The following SYNE1 variants were observed in gnomAD, a reference collection of about 807,000 sequenced individuals.
SYNE1 encodes nesprin-1.
A neutral mutation model predicts 1,111.0 loss-of-function variants in SYNE1; 616 were observed. The ratio of observed to expected loss-of-function variants is 0.55; its 90% confidence interval spans 0.52 to 0.59. The LOEUF (loss-of-function observed/expected upper bound fraction) is 0.59. SYNE1 is among the 20% of genes least tolerant of loss of function. SYNE1 has a pLI of 0.00. For missense variants in SYNE1, 10,006 were observed against 10,417.0 expected, an observed-to-expected ratio of 0.96 and a Z score of 1.72; for synonymous variants, 3,855 against 3,825.8, an observed-to-expected ratio of 1.01 and a Z score of -0.28.
chr6:152,462,138 A>C lies in SYNE1; in HGVS notation c.2251-398T>G, dbSNP rs556267353. On this transcript the variant is annotated intron_variant, in intron 20 of 145. Coordinates refer to ENST00000367255, the MANE Select transcript of SYNE1 (RefSeq NM_182961.4). ...CTCATTGCCATTATAAAAACTTATA[A>C]ATTAGAAATATTAGGATAATGACAA... Among the ~76,000 whole-genome samples the C allele has an allele frequency of 9.9e-4, 151 of 152,124 alleles. 2 individuals carry two copies. The highest frequency in any genetic ancestry group is 6.8e-3 in the Middle Eastern group (2 of 294).
At chr6:152,279,154 T>TC (rs1179254067) in intron 97 of SYNE1, among the ~76,000 whole-genome samples, 1 of 146,946 alleles carries the variant, frequency 6.8e-6, no homozygotes, top group Non-Finnish European at 1.5e-5. Context: ...TTTCTTTTTT[T>TC]TTTTTTTTTT....
chr6:152,427,946 G>T, intron 37 of SYNE1, 130 bp from the exon 38 acceptor site: 3 of 1,346,372 alleles, frequency 2.2e-6, no homozygotes, highest in Non-Finnish European at 3.1e-6. Context: ...TCTTAGATAT[G>T]CCAGCACAAA....
At chr6:152,219,493 G>GAAA (rs34187904) in intron 119 of SYNE1, among the ~76,000 whole-genome samples, 8 of 132,982 alleles carry the variant, frequency 6.0e-5, no homozygotes, top group East Asian at 2.1e-4. Context: ...ACATAAACAA[G>GAAA]AAAAAAAAAA....
chr6:152,286,507 T>C (rs2094336700), intron 95 of SYNE1, among the ~76,000 whole-genome samples: 1 of 152,220 alleles, frequency 6.6e-6, no homozygotes, highest in Non-Finnish European at 1.5e-5. Context: ...TGGTTGTGAA[T>C]TGTTTTCACT....
rs1473555999 is a variant in SYNE1, at chr6:152,462,731, C to A, written c.2250+7G>T. The A allele has an allele frequency of 6.2e-7, 1 of 1,613,778 alleles. No individual in the cohort carries two copies. Among genetic ancestry groups the A allele is most frequent in the Non-Finnish European group, 8.5e-7 (1 of 1,179,918 alleles). On this transcript the variant is annotated splice_region_variant and intron_variant, in intron 20 of 145. Coordinates refer to ENST00000367255, the MANE Select transcript of SYNE1 (RefSeq NM_182961.4). ...AGGCTTTTCATTTTGATTCAGAAAC[C>A]CCTCACCTCCAAGTCTTGAATTAAT...
chr6:152,407,353 C>G (rs1401781908), intron 44 of SYNE1, among the ~76,000 whole-genome samples, 157 bp from the exon 45 acceptor site: 2 of 152,158 alleles, frequency 1.3e-5, no homozygotes, highest in African/African-American at 4.8e-5. Context: ...ACCCAACTCA[C>G]GTAAATGCTA....
In SYNE1 at chr6:152,407,201, GA is replaced by G; in HGVS notation, c.6541-6del. 3.7e-6 allele frequency: 6 copies of G among 1,613,450 alleles called. No individual in the cohort carries two copies. The highest frequency in any genetic ancestry group is 5.1e-6 in the Non-Finnish European group (6 of 1,179,734). ...TTCTTCAAGTTTCTCTGATACCTAG[GA>G]GAGAAACAGAAGCCATGGCATTCAT... is the stretch of plus-strand genomic sequence containing the variant. On this transcript the variant is annotated splice_polypyrimidine_tract_variant and splice_region_variant and intron_variant, in intron 44 of 145. Transcript: ENST00000367255.
At chr6:152,545,719 A>G (rs1485666370) in intron 3 of SYNE1, among the ~76,000 whole-genome samples, 1 of 152,230 alleles carries the variant, frequency 6.6e-6, no homozygotes, top group Admixed American at 6.5e-5. Flanking sequence ...AGGAGCTTGC[A>G]ATAGGTTATG....
intron 74 of SYNE1, among the ~76,000 whole-genome samples, chr6:152,341,477 A>T (rs7740546): frequency 0.15 from 22,284 of 152,166 alleles, 2,438 homozygotes; most frequent in African/African-American, 0.3. Flanking sequence ...CATTCCCTAA[A>T]GTTCACATTT....
rs1292244700 is a variant in SYNE1, at chr6:152,442,169, C to A, written c.3914G>T (p.Gly1305Val). The A allele has an allele frequency of 1.9e-6, 3 of 1,613,810 alleles. No homozygotes were observed. The highest frequency in any genetic ancestry group is 1.7e-5 in the Admixed American group (1 of 60,020). ...QIAQAQQGEG[G>V]LPDRGHEELR... Reference sequence around the variant, plus strand: ...CTCCTCGTGGCCTCGGTCAGGCAGCCCCCCTTCTCCCTGCTGCGCCTGCGC... The same window carrying A: ...CTCCTCGTGGCCTCGGTCAGGCAGCACCCCTTCTCCCTGCTGCGCCTGCGC... Residue 1305 changes from glycine (G) to valine (V), a missense_variant, in exon 31 of 146, where the codon GGG becomes GTG. Transcript: ENST00000367255.
chr6:152,521,604 C>G (rs2099140197), intron 5 of SYNE1, among the ~76,000 whole-genome samples: 1 of 152,002 alleles, frequency 6.6e-6, no homozygotes, highest in African/African-American at 2.4e-5. Flanking sequence ...TTTACATTTC[C>G]CTGATCAGCA....
Position 152,214,222 on chromosome 6 carries a change from G to A in SYNE1, c.22347-463C>T, listed in dbSNP as rs1405729899. On this transcript the variant is annotated intron_variant, in intron 122 of 145. Coordinates refer to ENST00000367255, the MANE Select transcript of SYNE1 (RefSeq NM_182961.4). ...AAAAAAAAAAAAAAGAAGAAAGAAA[G>A]TTGAAAAAATGTAGAAGTTTAAAAT... 6.0e-5 allele frequency among the ~76,000 whole-genome samples: 9 copies of A among 149,738 alleles called. No homozygotes were observed. In the South Asian group the frequency reaches 1.7e-3, roughly 28 times the overall value.
chr6:152,435,804 T>A, intron 33 of SYNE1, 137 bp downstream of exon 33: 1 of 1,070,850 alleles, frequency 9.3e-7, no homozygotes. Flanking sequence ...TTTTGAACTG[T>A]GAGTTGTTTC....
At chr6:152,504,277 C>G (rs117853647) in intron 9 of SYNE1, among the ~76,000 whole-genome samples, 1 of 152,098 alleles carries the variant, frequency 6.6e-6, no homozygotes, top group Non-Finnish European at 1.5e-5. Flanking sequence ...AAAACAGAAT[C>G]CTAAAATGGC....
Position 152,330,660 on chromosome 6 carries a change from T to A in SYNE1, c.14025A>T (p.Glu4675Asp), listed in dbSNP as rs997425319. The change falls in exon 78 of 146, where the codon GAA (glutamate) becomes GAT (aspartate). Residue 4675 changes from glutamate (E) to aspartate (D), a missense_variant. Glu to Asp is a conservative substitution (Grantham distance 45). Around this residue, in one of 7 missense-constraint regions of SYNE1, gnomAD observed 4,955 missense variants for 5,017.2 expected, o/e 0.99. Coordinates refer to ENST00000367255, the MANE Select transcript of SYNE1 (RefSeq NM_182961.4). ...TTGTCAACTCAATCAAGGAAGCATA[T>A]TCCTTCCGAGCAAGAATTGCTTCCT... ...KVQEAILARK[E>D]YASLIELTTQ... The A allele has an allele frequency of 6.2e-7, 1 of 1,613,778 alleles. No individual in the cohort carries two copies. The highest frequency in any genetic ancestry group is 8.5e-7 in the Non-Finnish European group (1 of 1,180,022).
At chr6:152,139,813 G>C (rs140649594) in intron 140 of SYNE1, 137 bp downstream of exon 140, 28 of 839,176 alleles carry the variant, frequency 3.3e-5, no homozygotes, top group African/African-American at 5.0e-5. Context: ...GAGGTGAGGA[G>C]AGCATTCTCA....
intron 3 of SYNE1, among the ~76,000 whole-genome samples, chr6:152,596,089 A>G (rs1460709114): frequency 8.2e-6 from 1 of 121,692 alleles, no homozygotes; most frequent in Non-Finnish European, 1.7e-5. Flanking sequence ...CCTGGCAAAA[A>G]GGGCAATCTA....
At chr6:152,192,437 T>A (rs1265808590) in intron 127 of SYNE1, among the ~76,000 whole-genome samples, 2 of 151,826 alleles carry the variant, frequency 1.3e-5, no homozygotes, top group South Asian at 2.1e-4. Context: ...TGAGCATACA[T>A]AAGTGACAGA....
In SYNE1 at chr6:152,391,572, A is replaced by G. The variant is rs571742202; in HGVS notation, c.7713-4T>C. On this transcript the variant is annotated splice_region_variant and splice_polypyrimidine_tract_variant and intron_variant, in intron 51 of 145. Coordinates refer to ENST00000367255, the MANE Select transcript of SYNE1 (RefSeq NM_182961.4). ...GGAAAGCTTATCAAGAGACTCTCTG[A>G]AAAAAAGGAAAAAAAAAAAAAAGAA... 81 of 1,462,620 alleles carry G rather than the reference A, an allele frequency of 5.5e-5. 1 individual carries two copies. The East Asian group carries it at 2.1e-3, about 38-fold the overall frequency. The allele number at this position is 1,462,620 out of a possible 1,614,324, so 90.6% of individuals were successfully genotyped here.
Sources: gnomAD v4.1 joint callset for allele counts (sites outside exome capture counted in the v4.1 genomes callset) on GRCh38, gnomAD v4.1.1 for gene constraint, gnomAD v4.1.1 regional missense constraint, MANE v1.5 for transcripts, NCBI Gene and HGNC (gene_info 2026-07-23, HGNC 2026-07-21) for gene names.